The following CARMIL1 variants were observed in gnomAD, a reference collection of about 807,000 sequenced individuals.
The protein encoded by CARMIL1 is F-actin-uncapping protein LRRC16A.
A neutral mutation model predicts 177.1 loss-of-function variants in CARMIL1; 90 were observed. The ratio of observed to expected loss-of-function variants is 0.51; its 90% confidence interval spans 0.43 to 0.61. The LOEUF is 0.61. CARMIL1 is among the 20% of genes least tolerant of loss of function. CARMIL1 has a pLI of 0.00. For missense variants in CARMIL1, 1,380 were observed against 1,667.0 expected (o/e 0.83, Z 3.00); for synonymous variants, 577 against 606.2 (o/e 0.95, Z 0.71).
chr6:25,571,467 A>G (rs1384376656), intron 29 of CARMIL1, among the ~76,000 whole-genome samples: 2 of 152,236 alleles, frequency 1.3e-5, no homozygotes, highest in African/African-American at 2.4e-5. Context: ...ATAATTTTGC[A>G]GTTCTGATCA....
At chr6:25,318,290 A>C (rs9356975) in intron 2 of CARMIL1, among the ~76,000 whole-genome samples, 37,292 of 151,944 alleles carry the variant, frequency 0.25, 5,203 homozygotes, top group East Asian at 0.4. Context: ...GGAAAGGAGA[A>C]GGTCGGGAAG....
chr6:25,435,663 A>T, intron 5 of CARMIL1, 59 bp downstream of exon 5: 1 of 1,504,584 alleles, frequency 6.6e-7, no homozygotes, highest in Non-Finnish European at 8.9e-7. Context: ...CAAAACGGCA[A>T]ATACAACAAT....
In CARMIL1 at chr6:25,585,534, T is replaced by C. The variant is rs533129822; in HGVS notation, c.3006+4095T>C. 6.8e-5 allele frequency among the ~76,000 whole-genome samples: 10 copies of C among 147,434 alleles called. No homozygotes were observed. In the South Asian group the frequency reaches 2.2e-3, roughly 32 times the overall value. ...TATGTAATATGAAGAGTAGATAACCTATTTTTTTATTTATTTTTTATTTTT... is the reference window on the plus strand; with the variant it reads ...TATGTAATATGAAGAGTAGATAACCCATTTTTTTATTTATTTTTTATTTTT... On this transcript the variant is annotated intron_variant, in intron 31 of 36. Transcript: ENST00000329474.
chr6:25,400,788 C>T (rs1253591965), intron 2 of CARMIL1, among the ~76,000 whole-genome samples: 2 of 152,242 alleles, frequency 1.3e-5, no homozygotes, highest in Non-Finnish European at 1.5e-5. Context: ...TCTATGTTAG[C>T]ACTTCAAAAA....
chr6:25,479,004 G>A (rs764198363), intron 11 of CARMIL1: 1 of 449,888 alleles, frequency 2.2e-6, no homozygotes, highest in Non-Finnish European at 4.4e-6. Flanking sequence ...GAAAGTTATA[G>A]AATTGGTAGA....
intron 5 of CARMIL1, among the ~76,000 whole-genome samples, chr6:25,441,294 C>A (rs981516341): frequency 5.6e-5 from 8 of 142,542 alleles, no homozygotes; most frequent in Non-Finnish European, 4.5e-5. Flanking sequence ...AGTAAGACCA[C>A]ATCTCAAAAC....
chr6:25,321,733 A>T (rs1263172493), intron 2 of CARMIL1, among the ~76,000 whole-genome samples: 2 of 151,560 alleles, frequency 1.3e-5, no homozygotes, highest in Admixed American at 6.6e-5. Context: ...ATCTCAGCTC[A>T]CTGCAACCTC....
intron 32 of CARMIL1, among the ~76,000 whole-genome samples, chr6:25,595,445 T>C (rs184323633): frequency 1.3e-5 from 2 of 152,186 alleles, no homozygotes; most frequent in Admixed American, 1.3e-4. Flanking sequence ...CAATGTAACT[T>C]ACTGAATCTT....
Position 25,281,132 on chromosome 6 carries a change from GCGCGCACACACACACA to G in CARMIL1, c.40+1299_40+1314del, listed in dbSNP as rs1220004723. Among the ~76,000 whole-genome samples the G allele has an allele frequency of 8.5e-3, 847 of 99,878 alleles. 10 individuals are homozygous for G. The highest frequency in any genetic ancestry group is 0.027 in the African/African-American group (782 of 28,470). 65.5% of individuals were successfully genotyped at this position (99,878 alleles called of 152,430 possible). A position where few individuals can be genotyped will look rare whatever the true frequency, so the allele number is the denominator to read the frequency against. On this transcript the variant is annotated intron_variant, in intron 1 of 36. Transcript: ENST00000329474. Reference sequence around the variant, plus strand: ...TTCACAGACGCACGCGCGTGTGCGCGCGCGCACACACACACACACACACACACACACACACACGCAC... The same window carrying G: ...TTCACAGACGCACGCGCGTGTGCGCGCACACACACACACACACACACGCAC...
chr6:25,393,815 C>T (rs1172798662), intron 2 of CARMIL1, among the ~76,000 whole-genome samples: 2 of 151,662 alleles, frequency 1.3e-5, no homozygotes, highest in Admixed American at 6.6e-5. Flanking sequence ...TCTGATTGCA[C>T]CACACACTCT....
chr6:25,602,910 G>C (rs982776879), intron 33 of CARMIL1, among the ~76,000 whole-genome samples: 6 of 152,296 alleles, frequency 3.9e-5, no homozygotes, highest in African/African-American at 1.4e-4. Flanking sequence ...ATTGACAAAA[G>C]AGAGAAATAA....
At chr6:25,377,955 A>C (rs1581732519) in intron 2 of CARMIL1, among the ~76,000 whole-genome samples, 1 of 152,246 alleles carries the variant, frequency 6.6e-6, no homozygotes, top group East Asian at 1.9e-4. Context: ...TAGAGCTCCG[A>C]AAAGTTTCTG....
At chr6:25,503,559 G>A (rs2151028718) in intron 17 of CARMIL1, among the ~76,000 whole-genome samples, 1 of 152,248 alleles carries the variant, frequency 6.6e-6, no homozygotes, top group East Asian at 1.9e-4. Context: ...TGATATTGTA[G>A]AGTTTATGTA....
chr6:25,397,651 A>G (rs1793533647), intron 2 of CARMIL1, among the ~76,000 whole-genome samples: 1 of 152,236 alleles, frequency 6.6e-6, no homozygotes, highest in African/African-American at 2.4e-5. Flanking sequence ...TCAAGTGAAT[A>G]GCATGGTATT....
At chr6:25,424,985 T>C (rs1353188738) in intron 3 of CARMIL1, among the ~76,000 whole-genome samples, 1 of 152,222 alleles carries the variant, frequency 6.6e-6, no homozygotes, top group East Asian at 1.9e-4. Flanking sequence ...TCATAAACTT[T>C]AAATTAAAAT....
chr6:25,385,904 G>C lies in CARMIL1; in HGVS notation c.139-34210G>C, dbSNP rs77750787. 5.5e-3 allele frequency among the ~76,000 whole-genome samples: 840 copies of C among 152,336 alleles called. 6 individuals carry two copies. The highest frequency in any genetic ancestry group is 9.7e-3 in the Non-Finnish European group (658 of 68,036). ...AAGGAAGAGAGAGAAACTTCAGTCT[G>C]ACTTGCTACTTGTTAGAAGATTTGG... is the stretch of plus-strand genomic sequence containing the variant. On this transcript the variant is annotated intron_variant, in intron 2 of 36. Transcript: ENST00000329474.
In CARMIL1 at chr6:25,382,336, G is replaced by A. The variant is rs536878461; in HGVS notation, c.139-37778G>A. 3.9e-5 allele frequency among the ~76,000 whole-genome samples: 6 copies of A among 152,292 alleles called. No homozygotes were observed. The East Asian group carries it at 1.2e-3, about 29-fold the overall frequency. ...TGGTCTTAAACTCCTGACTCCAGTTGTGTCCGGAGTTGGTTCCTTCCAGTG... is the reference window on the plus strand; with the variant it reads ...TGGTCTTAAACTCCTGACTCCAGTTATGTCCGGAGTTGGTTCCTTCCAGTG... On this transcript the variant is annotated intron_variant, in intron 2 of 36. Coordinates refer to ENST00000329474, the MANE Select transcript of CARMIL1 (RefSeq NM_017640.6).
intron 9 of CARMIL1, among the ~76,000 whole-genome samples, chr6:25,470,758 A>G (rs1219809745): frequency 2.0e-5 from 3 of 152,202 alleles, no homozygotes; most frequent in Non-Finnish European, 4.4e-5. Flanking sequence ...AAGGGGCAAG[A>G]TAGCTCTCTG....
intron 2 of CARMIL1, among the ~76,000 whole-genome samples, chr6:25,377,025 G>A (rs928432001): frequency 1.3e-5 from 2 of 152,186 alleles, no homozygotes; most frequent in African/African-American, 4.8e-5. Flanking sequence ...CTGCAGGAAT[G>A]TTGATGTTCA....
Sources: allele counts gnomAD v4.1 joint callset (sites outside exome capture counted in the v4.1 genomes callset), GRCh38; gene constraint gnomAD v4.1.1; transcripts MANE v1.5; gene names NCBI Gene and HGNC (gene_info 2026-07-23, HGNC 2026-07-21).